C22orf42: variants seen among roughly 807,000 people sequenced by gnomAD.
The protein encoded by C22orf42 is chromosome 22 open reading frame 42.
Under a neutral mutation model 31.4 loss-of-function variants are expected in C22orf42, and 24 were observed. That is an observed-to-expected ratio of 0.77 (90% CI 0.55 to 1.08). The LOEUF (loss-of-function observed/expected upper bound fraction) is 1.08. Ranked by LOEUF, C22orf42 falls within the 50% of genes least tolerant of loss-of-function variation. The probability of loss-of-function intolerance (pLI) is 0.00; values close to 1 mark genes in which losing one functional copy is unlikely to be tolerated. For missense variants in C22orf42, 276 were observed against 327.3 expected, an observed-to-expected ratio of 0.84 and a Z score of 1.21; for synonymous variants, 96 against 112.7, an observed-to-expected ratio of 0.85 and a Z score of 0.94.
chr22:32,150,351 CAGAT>C lies in C22orf42; in HGVS notation c.618_621del (p.Val208LeufsTer6). ...GGTGTCATGAGGTCTTCAAGAGAGA[CAGAT>C]AGGCTTTCACTGAGACCTGATGTCA... On this transcript the variant is annotated frameshift_variant, in exon 7 of 9. Coordinates refer to ENST00000382097, the MANE Select transcript of C22orf42 (RefSeq NM_001010859.3). LOFTEE classifies it high-confidence loss of function. 5.0e-6 allele frequency: 8 copies of C among 1,614,086 alleles called. No homozygotes were observed. Among genetic ancestry groups the C allele is most frequent in the African/African-American group, 1.3e-5 (1 of 75,024 alleles).
chr22:32,158,969 C>T lies in C22orf42; in HGVS notation c.232+15G>A, dbSNP rs183438705. 8,800 of 1,613,946 alleles carry T rather than the reference C, an allele frequency of 5.5e-3. 31 individuals are homozygous for T. The highest frequency in any genetic ancestry group is 7.4e-3 in the Middle Eastern group (45 of 6,060). ...AGAGATGCCAGAGAGCAAATGGCACCCATGGCTTCTTTACCTTTGGACATC... is the reference window on the plus strand; with the variant it reads ...AGAGATGCCAGAGAGCAAATGGCACTCATGGCTTCTTTACCTTTGGACATC... On this transcript the variant is annotated intron_variant, in intron 1 of 8. Coordinates refer to ENST00000382097, the MANE Select transcript of C22orf42 (RefSeq NM_001010859.3).
upstream of C22orf42, chr22:32,159,438 C>A: frequency 7.1e-7 from 1 of 1,403,230 alleles, no homozygotes; most frequent in Non-Finnish European, 9.3e-7. Flanking sequence ...TCACAATGCC[C>A]ATCCCTGCTG....
At chr22:32,154,015 T>TCACACACACACACA (rs111234718) in intron 2 of C22orf42, among the ~76,000 whole-genome samples, 1 of 146,844 alleles carries the variant, frequency 6.8e-6, no homozygotes, top group African/African-American at 2.6e-5. Flanking sequence ...TGAGACCTTT[T>TCACACACACACACA]CACACACACA....
At chr22:32,158,943 G>T in intron 1 of C22orf42, 41 bp downstream of exon 1, 1 of 1,610,854 alleles carries the variant, frequency 6.2e-7, no homozygotes, top group South Asian at 1.1e-5. Context: ...GTGGTGGCCA[G>T]AGAGATGCCA....
Position 32,154,260 on chromosome 22 carries a change from C to T in C22orf42, c.291G>A (p.Trp97Ter). 1 of 1,610,760 alleles carries T rather than the reference C, an allele frequency of 6.2e-7. No individual in the cohort carries two copies. Among genetic ancestry groups the T allele is most frequent in the Non-Finnish European group, 8.5e-7 (1 of 1,179,032 alleles). ...CCACATTACCTATATTTTCTAGAGG[C>T]CAAATCCCGTGCCGTCTCCATATTA... The part of the protein sequence containing the change: ...LKIIWRRHGI[W>*]PLENIGPTED... The change falls in exon 2 of 9, where the codon TGG becomes TGA. Residue 97 changes from tryptophan to a stop codon, truncating the protein, a stop_gained. Coordinates refer to ENST00000382097, the MANE Select transcript of C22orf42 (RefSeq NM_001010859.3). LOFTEE classifies it high-confidence loss of function.
chr22:32,149,627 A>C lies in C22orf42; in HGVS notation c.683-14T>G. On this transcript the variant is annotated splice_polypyrimidine_tract_variant and intron_variant, in intron 8 of 8. Transcript: ENST00000382097. The stretch of plus-strand genomic sequence containing the variant: ...TCTTAACCCAGCCTAGGGGAAAAGA[A>C]CAAGACTTCATCTCAAAAAAAAAAT... The C allele has an allele frequency of 6.9e-7, 1 of 1,448,866 alleles. No homozygotes were observed. The highest frequency in any genetic ancestry group is 1.6e-5 in the South Asian group (1 of 63,510). The allele number at this position is 1,448,866 out of a possible 1,614,324, so 89.8% of individuals were successfully genotyped here. A position where few individuals can be genotyped will look rare whatever the true frequency, so the allele number is the denominator to read the frequency against.
At position 32,150,061 on chromosome 22, in the gene C22orf42, G is replaced by A. The variant is rs190180995; in HGVS notation, c.654+258C>T. 4.6e-5 allele frequency: 25 copies of A among 545,632 alleles called. No homozygotes were observed. In the East Asian group the frequency reaches 4.6e-4, roughly 10 times the overall value. 33.8% of individuals were successfully genotyped at this position (545,632 alleles called of 1,614,324 possible). On this transcript the variant is annotated intron_variant, in intron 7 of 8. Transcript: ENST00000382097. ...CTACCAGATAGTTTGTAAGTGATGCGCTCATTTTTGACTACTGTCATCCAG... is the reference window on the plus strand; with the variant it reads ...CTACCAGATAGTTTGTAAGTGATGCACTCATTTTTGACTACTGTCATCCAG...
At chr22:32,150,279 G>GA in intron 7 of C22orf42, 40 bp downstream of exon 7, 2 of 1,595,590 alleles carry the variant, frequency 1.3e-6, no homozygotes, top group Non-Finnish European at 1.7e-6. Context: ...AGAGGACCCA[G>GA]AAAAAACATT....
Position 32,150,564 on chromosome 22 carries a change from T to G in C22orf42, c.494-85A>C, listed in dbSNP as rs560431344. ...TTGGGGGATGTGGACCAGGGCTGGATCATGTGCAGGTGGGCGGTTGACAGG... is the reference window on the plus strand; with the variant it reads ...TTGGGGGATGTGGACCAGGGCTGGAGCATGTGCAGGTGGGCGGTTGACAGG... On this transcript the variant is annotated intron_variant, in intron 6 of 8. Coordinates refer to ENST00000382097, the MANE Select transcript of C22orf42 (RefSeq NM_001010859.3). 4.7e-5 allele frequency: 68 copies of G among 1,435,814 alleles called. No individual in the cohort carries two copies. The East Asian group carries it at 1.5e-3, about 31-fold the overall frequency. The allele number at this position is 1,435,814 out of a possible 1,614,324, so 88.9% of individuals were successfully genotyped here.
intron 1 of C22orf42, among the ~76,000 whole-genome samples, chr22:32,157,974 G>A (rs1001500515): frequency 6.6e-6 from 1 of 152,254 alleles, no homozygotes; most frequent in Admixed American, 6.5e-5. Flanking sequence ...GGCGGGGGTT[G>A]TTATTGGAAG....
chr22:32,151,454 C>G, intron 5 of C22orf42, 33 bp downstream of exon 5: 1 of 1,591,412 alleles, frequency 6.3e-7, no homozygotes, highest in Admixed American at 1.7e-5. Flanking sequence ...AAACAAAAAG[C>G]ATTTCTCTTC....
At chr22:32,155,641 G>A (rs1437663429) in intron 1 of C22orf42, among the ~76,000 whole-genome samples, 1 of 151,688 alleles carries the variant, frequency 6.6e-6, no homozygotes, top group Non-Finnish European at 1.5e-5. Context: ...AATCAATGTT[G>A]TGACCATGAC....
rs1198712856 is a variant in C22orf42, at chr22:32,158,995, T to C, written c.221A>G (p.Lys74Arg). ...LSLPKTPKML[K>R]MSKGLDARSK... Reference sequence around the variant, plus strand: ...CATGGCTTCTTTACCTTTGGACATCTTCAGCATCTTCGGCGTCTTCGGGAG... The same window carrying C: ...CATGGCTTCTTTACCTTTGGACATCCTCAGCATCTTCGGCGTCTTCGGGAG... The change falls in exon 1 of 9, where the codon AAG (lysine) becomes AGG (arginine). Residue 74 changes from lysine (K) to arginine (R), a missense_variant. By Grantham distance (26) the Lys-to-Arg change is conservative. Transcript: ENST00000382097. The C allele has an allele frequency of 6.2e-7, 1 of 1,614,006 alleles. No individual in the cohort carries two copies. The highest frequency in any genetic ancestry group is 1.6e-4 in the Middle Eastern group (1 of 6,062).
At chr22:32,152,121 C>T (rs756007676) in intron 3 of C22orf42, 27 bp from the exon 4 acceptor site, 41 of 1,603,536 alleles carry the variant, frequency 2.6e-5, no homozygotes, top group Non-Finnish European at 4.2e-6. Flanking sequence ...GAAAAAGAAA[C>T]ACCATGAGGA....
Position 32,150,332 on chromosome 22 carries a change from A to G in C22orf42, c.641T>C (p.Met214Thr), listed in dbSNP as rs199905868. ...AATGCATCTTACCATCTCCGGTGTC[A>G]TGAGGTCTTCAAGAGAGACAGATAG... The part of the protein sequence containing the change: ...ESLSVSLEDL[M>T]TPEMAKERYE... The change falls in exon 7 of 9, where the codon ATG (methionine) becomes ACG (threonine). Residue 214 changes from methionine to threonine, a missense_variant. Physicochemically the swap from Met to Thr is moderately conservative, Grantham distance 81. Transcript: ENST00000382097. The G allele has an allele frequency of 6.2e-6, 10 of 1,614,140 alleles. No homozygotes were observed. In the East Asian group the frequency reaches 2.2e-4, roughly 36 times the overall value.
chr22:32,156,259 C>A (rs1360104408), intron 1 of C22orf42, among the ~76,000 whole-genome samples: 1 of 152,074 alleles, frequency 6.6e-6, no homozygotes, highest in Non-Finnish European at 1.5e-5. Context: ...TTTTTTCAAA[C>A]CTTGAAAAAC....
Position 32,149,473 on chromosome 22 carries a change from A to G in C22orf42, c.*67T>C. 1 of 1,443,754 alleles carries G rather than the reference A, an allele frequency of 6.9e-7. No homozygotes were observed. The allele number at this position is 1,443,754 out of a possible 1,614,324, so 89.4% of individuals were successfully genotyped here. A position where few individuals can be genotyped will look rare whatever the true frequency, so the allele number is the denominator to read the frequency against. ...ATTTTTTTTTCACCCAGATGGAAAT[A>G]TGCATTCATAAAATGATTTGAGCTG... On this transcript the variant is annotated 3_prime_UTR_variant, in exon 9 of 9. Coordinates refer to ENST00000382097, the MANE Select transcript of C22orf42 (RefSeq NM_001010859.3).
At chr22:32,152,750 C>T in intron 2 of C22orf42, 124 bp from the exon 3 acceptor site, 1 of 859,080 alleles carries the variant, frequency 1.2e-6, no homozygotes, top group South Asian at 1.4e-5. Flanking sequence ...ATGGACTGAG[C>T]TGCTGCTGGA....
At position 32,150,474 on chromosome 22, in the gene C22orf42, C is replaced by T. The variant is rs767080425; in HGVS notation, c.499G>A (p.Val167Ile). ...GATAGGCTTTCACTGAGATCTTCGA[C>T]CAAATCTAGGAGAACATAGTGACAG... Reference protein sequence around the residue: ...ISEAKHDHHLVEDLSESLSVC... With the variant: ...ISEAKHDHHLIEDLSESLSVC... The change falls in exon 7 of 9, where the codon GTC (valine) becomes ATC (isoleucine). Residue 167 changes from valine (V) to isoleucine (I), a missense_variant. Coordinates refer to ENST00000382097, the MANE Select transcript of C22orf42 (RefSeq NM_001010859.3). The T allele has an allele frequency of 6.2e-7, 1 of 1,614,048 alleles. No homozygotes were observed. The highest frequency in any genetic ancestry group is 8.5e-7 in the Non-Finnish European group (1 of 1,180,006).
Sources: gnomAD v4.1 joint callset for allele counts (sites outside exome capture counted in the v4.1 genomes callset) on GRCh38, gnomAD v4.1.1 for gene constraint, MANE v1.5 for transcripts, NCBI Gene and HGNC (gene_info 2026-07-23, HGNC 2026-07-21) for gene names.